FBXO33: variants seen among roughly 807,000 people sequenced by gnomAD.
The protein encoded by FBXO33 is F-box only protein 33.
In FBXO33, 22 loss-of-function variants were observed where a neutral mutation model predicts 46.3. That is an observed-to-expected ratio of 0.48 (90% CI 0.34 to 0.68). The LOEUF is 0.68. Among genes scored for constraint, FBXO33 ranks in the 30% least tolerant of loss-of-function variants. The pLI, the probability that FBXO33 is intolerant of heterozygous loss-of-function variation, is 0.01. For missense variants in FBXO33, 692 were observed against 708.8 expected (o/e 0.98, Z 0.27); for synonymous variants, 337 against 291.3 (o/e 1.16, Z -1.60).
intron 1 of FBXO33, among the ~76,000 whole-genome samples, chr14:39,415,672 T>A (rs56046902): frequency 1.3e-5 from 2 of 152,166 alleles, no homozygotes; most frequent in African/African-American, 4.8e-5. Context: ...TGCTGTTGGC[T>A]TTTTCTTTTT....
chr14:39,423,019 G>A (rs2139418307), intron 1 of FBXO33, among the ~76,000 whole-genome samples: 1 of 152,254 alleles, frequency 6.6e-6, no homozygotes. Context: ...CTACTCGGGA[G>A]GCTGAGGCAG....
At position 39,399,606 on chromosome 14, in the gene FBXO33, A is replaced by C; in HGVS notation, c.1578T>G (p.His526Gln). The change falls in exon 4 of 4, where the codon CAT becomes CAG. Residue 526 changes from histidine to glutamine, a missense_variant. Coordinates refer to ENST00000298097, the MANE Select transcript of FBXO33 (RefSeq NM_203301.4). The part of the protein sequence containing the change: ...QVSLGLGQPW[H>Q]AVMDIESLSV... ...TGAGTGATTCGATGTCCATGACTGCATGCCAAGGTTGACCCAGGCCCAGGG... is the reference window on the plus strand; with the variant it reads ...TGAGTGATTCGATGTCCATGACTGCCTGCCAAGGTTGACCCAGGCCCAGGG... The C allele has an allele frequency of 6.2e-7, 1 of 1,613,908 alleles. No homozygotes were observed. The highest frequency in any genetic ancestry group is 1.1e-5 in the South Asian group (1 of 90,986).
intron 1 of FBXO33, among the ~76,000 whole-genome samples, chr14:39,403,097 G>T (rs1308940521): frequency 6.6e-6 from 1 of 152,088 alleles, no homozygotes; most frequent in Non-Finnish European, 1.5e-5. Flanking sequence ...GACAAACTAT[G>T]TAAGCTCTAA....
At chr14:39,418,787 A>C (rs562103980) in intron 1 of FBXO33, among the ~76,000 whole-genome samples, 41 of 135,422 alleles carry the variant, frequency 3.0e-4, no homozygotes, top group Non-Finnish European at 4.1e-4. Flanking sequence ...AAAAAAAAAA[A>C]AACAAAAAAA....
chr14:39,407,513 C>T (rs1301978535), intron 1 of FBXO33, among the ~76,000 whole-genome samples: 1 of 152,186 alleles, frequency 6.6e-6, no homozygotes, highest in South Asian at 2.1e-4. Flanking sequence ...GGGAGTTTGA[C>T]TATTTTAGAT....
chr14:39,417,509 T>A (rs549551542), intron 1 of FBXO33, among the ~76,000 whole-genome samples: 4 of 152,092 alleles, frequency 2.6e-5, no homozygotes, highest in East Asian at 3.9e-4. Context: ...GCATTTCTTA[T>A]AAAGGTATTT....
rs182279903 is a variant in FBXO33 at position 39,404,547 on chromosome 14, C to T, written c.600-2036G>A. Among the ~76,000 whole-genome samples the T allele has an allele frequency of 1.3e-4, 19 of 151,986 alleles. No individual in the cohort carries two copies. The East Asian group carries it at 3.7e-3, about 30-fold the overall frequency. ...TTCACCGTGTTAGCCAGGATGGTGT[C>T]GATCTCCTGACCTCGTGATCCACCC... On this transcript the variant is annotated intron_variant, in intron 1 of 3. Transcript: ENST00000298097.
Position 39,402,438 on chromosome 14 carries a change from G to A in FBXO33, c.673C>T (p.Leu225Phe). 6.3e-7 allele frequency: 1 copy of A among 1,579,688 alleles called. No homozygotes were observed. The highest frequency in any genetic ancestry group is 8.6e-7 in the Non-Finnish European group (1 of 1,162,490). ...TTGCCATCAGGGTCCACCTTGCTGA[G>A]GTATGTATTTGACAAACTTCCTTGC... is the stretch of plus-strand genomic sequence containing the variant. ...QQQGSLSNTY[L>F]SKVDPDGKKI... Residue 225 changes from leucine (L) to phenylalanine (F), a missense_variant, in exon 2 of 4, where the codon CTC becomes TTC. This residue lies in a region of FBXO33 where 412 missense variants were observed against 370.8 expected (regional missense o/e 1.11). Transcript: ENST00000298097.
At chr14:39,417,349 G>A (rs2075453267) in intron 1 of FBXO33, among the ~76,000 whole-genome samples, 1 of 152,214 alleles carries the variant, frequency 6.6e-6, no homozygotes, top group Admixed American at 6.5e-5. Context: ...CTTTCCCAAT[G>A]TGGGAGAAGT....
intron 1 of FBXO33, among the ~76,000 whole-genome samples, chr14:39,411,896 T>C (rs2075425038): frequency 1.3e-5 from 2 of 152,196 alleles, no homozygotes; most frequent in Non-Finnish European, 2.9e-5. Flanking sequence ...TGATTTCCAG[T>C]TTTATATTAT....
chr14:39,431,682 C>G lies in FBXO33; in HGVS notation c.481G>C (p.Asp161His), dbSNP rs996746838. The change falls in exon 1 of 4, where the codon GAC becomes CAC. Residue 161 changes from aspartate to histidine, a missense_variant. By Grantham distance (81) the Asp-to-His change is moderately conservative (BLOSUM62 -1). Around this residue, in one of 3 missense-constraint regions of FBXO33, gnomAD observed 412 missense variants for 370.8 expected, o/e 1.11. Transcript: ENST00000298097. ...ACTTCCTCCCCTCCAGTCCCGGTGTCCGCGCCACCTCCGTCCCCTGGGCCA... is the reference window on the plus strand; with the variant it reads ...ACTTCCTCCCCTCCAGTCCCGGTGTGCGCGCCACCTCCGTCCCCTGGGCCA... ...GGGPGDGGGADTGTGGEEVEA... is the reference protein window; with the variant it reads ...GGGPGDGGGAHTGTGGEEVEA... The G allele has an allele frequency of 3.7e-6, 6 of 1,613,556 alleles. No homozygotes were observed. The highest frequency in any genetic ancestry group is 5.1e-6 in the Non-Finnish European group (6 of 1,180,008).
intron 1 of FBXO33, among the ~76,000 whole-genome samples, chr14:39,411,123 TCTTGC>T (rs2075420002): frequency 6.6e-6 from 1 of 151,972 alleles, no homozygotes; most frequent in African/African-American, 2.4e-5. Context: ...TGAGACAGAG[TCTTGC>T]ACTGTCGCCA....
intron 1 of FBXO33, among the ~76,000 whole-genome samples, chr14:39,419,381 C>T (rs1220296538): frequency 3.3e-5 from 5 of 152,160 alleles, no homozygotes; most frequent in African/African-American, 1.2e-4. Flanking sequence ...AACTCAAGGG[C>T]AGCTTTCAAA....
In FBXO33 at chr14:39,401,670, T is replaced by C. The variant is rs776110676; in HGVS notation, c.902A>G (p.Glu301Gly). 2 of 1,614,076 alleles carry C rather than the reference T, an allele frequency of 1.2e-6. No homozygotes were observed. Among genetic ancestry groups the C allele is most frequent in the African/African-American group, 2.7e-5 (2 of 74,922 alleles). The change falls in exon 3 of 4, where the codon GAA (glutamate) becomes GGA (glycine). Residue 301 changes from glutamate to glycine, a missense_variant. By Grantham distance (98) the Glu-to-Gly change is moderately conservative (BLOSUM62 -2). Transcript: ENST00000298097. Reference sequence around the variant, plus strand: ...GTGCAGATTCACAAATCGCTCCAGTTCAACTGCAGTAATAAGAGTGCTGTT... The same window carrying C: ...GTGCAGATTCACAAATCGCTCCAGTCCAACTGCAGTAATAAGAGTGCTGTT... ...PGNSTLITAV[E>G]LERFVNLHSL... is the part of the protein sequence containing the mutation.
chr14:39,420,161 A>G (rs1357661869), intron 1 of FBXO33, among the ~76,000 whole-genome samples: 1 of 152,188 alleles, frequency 6.6e-6, no homozygotes, highest in Non-Finnish European at 1.5e-5. Flanking sequence ...TGACATGAAA[A>G]GTTATGGTGG....
At chr14:39,410,414 G>A (rs141472027) in intron 1 of FBXO33, among the ~76,000 whole-genome samples, 2 of 152,286 alleles carry the variant, frequency 1.3e-5, no homozygotes, top group East Asian at 3.9e-4. Context: ...CTTTTAATGT[G>A]CTGTCAAATT....
rs1168303448 is a variant in FBXO33, at chr14:39,432,074, A to C, written c.89T>G (p.Leu30Arg). The change falls in exon 1 of 4, where the codon CTG becomes CGG. Residue 30 changes from leucine (L) to arginine (R), a missense_variant. Leu to Arg is a moderately radical substitution (Grantham distance 102, BLOSUM62 -2). This residue lies in a region of FBXO33 where 412 missense variants were observed against 370.8 expected (regional missense o/e 1.11). Coordinates refer to ENST00000298097, the MANE Select transcript of FBXO33 (RefSeq NM_203301.4). ...CAGCCGTCGCAGCTGCTGCAGCCGC[A>C]GCCGCCGCCACCGCGCCACCCGGGC... is the stretch of plus-strand genomic sequence containing the variant. ...GAARVARWRRLRLQQLRRLRG... is the reference protein window; with the variant it reads ...GAARVARWRRRRLQQLRRLRG... 1 of 1,242,952 alleles carries C rather than the reference A, an allele frequency of 8.0e-7. No individual in the cohort carries two copies. The highest frequency in any genetic ancestry group is 1.0e-6 in the Non-Finnish European group (1 of 995,986). 77.0% of individuals were successfully genotyped at this position (1,242,952 alleles called of 1,614,324 possible).
At chr14:39,428,885 C>T (rs943021459) in intron 1 of FBXO33, among the ~76,000 whole-genome samples, 2 of 152,246 alleles carry the variant, frequency 1.3e-5, no homozygotes, top group African/African-American at 2.4e-5. Context: ...ACTTACTGCC[C>T]CTCTGTTCTT....
At position 39,399,677 on chromosome 14, in the gene FBXO33, C is replaced by A; in HGVS notation, c.1507G>T (p.Ala503Ser). The change falls in exon 4 of 4, where the codon GCC becomes TCC. Residue 503 changes from alanine (A) to serine (S), a missense_variant. Ala to Ser is a moderately conservative substitution (Grantham distance 99). Around this residue, in one of 3 missense-constraint regions of FBXO33, gnomAD observed 94 missense variants for 91.9 expected, o/e 1.02. Transcript: ENST00000298097. ...ESIDFDQGEL[A>S]DQDVDPVHNL... Reference sequence around the variant, plus strand: ...TGCACTGGATCTACATCCTGGTCGGCCAGTTCACCTTGGTCAAAATCAATG... The same window carrying A: ...TGCACTGGATCTACATCCTGGTCGGACAGTTCACCTTGGTCAAAATCAATG... The A allele has an allele frequency of 6.2e-7, 1 of 1,613,986 alleles. No homozygotes were observed. Among genetic ancestry groups the A allele is most frequent in the South Asian group, 1.1e-5 (1 of 91,032 alleles).
Sources: gnomAD v4.1 joint callset for allele counts (sites outside exome capture counted in the v4.1 genomes callset) on GRCh38, gnomAD v4.1.1 for gene constraint, gnomAD v4.1.1 regional missense constraint, MANE v1.5 for transcripts, NCBI Gene and HGNC (gene_info 2026-07-23, HGNC 2026-07-21) for gene names.